The following IMMP2L variants were observed in gnomAD, a reference collection of about 807,000 sequenced individuals.
IMMP2L encodes the protein inner mitochondrial membrane peptidase subunit 2, also known as mitochondrial inner membrane protease subunit 2.
A neutral mutation model predicts 19.3 loss-of-function variants in IMMP2L; 18 were observed. The ratio of observed to expected loss-of-function variants is 0.93; its 90% confidence interval spans 0.64 to 1.38. IMMP2L has a LOEUF of 1.38. Among genes scored for constraint, IMMP2L ranks in the 40% most tolerant of loss-of-function variants. The pLI is 0.00. For synonymous variants in IMMP2L, 76 were observed against 73.0 expected, an observed-to-expected ratio of 1.04 and a Z score of -0.21; for missense variants, 233 against 218.2, an observed-to-expected ratio of 1.07 and a Z score of -0.43.
At chr7:111,496,002 A>C (rs577524733) in intron 2 of IMMP2L, among the ~76,000 whole-genome samples, 1 of 152,208 alleles carries the variant, frequency 6.6e-6, no homozygotes, top group Non-Finnish European at 1.5e-5. Context: ...CTTTGAAGAC[A>C]TATCTGTGGA....
rs921275387 is a variant in IMMP2L at position 110,662,843 on chromosome 7, C to T, written c.*759G>A. ...TTTAAACACATAGTATGACTAAATG[C>T]GGATAAAGGGGTTTACCCATCATTG... On this transcript the variant is annotated 3_prime_UTR_variant, in exon 6 of 6. Coordinates refer to ENST00000405709, the MANE Select transcript of IMMP2L (RefSeq NM_032549.4). 2.0e-5 allele frequency among the ~76,000 whole-genome samples: 3 copies of T among 152,090 alleles called. No homozygotes were observed. The highest frequency in any genetic ancestry group is 4.4e-5 in the Non-Finnish European group (3 of 68,012).
intron 5 of IMMP2L, among the ~76,000 whole-genome samples, chr7:110,852,362 T>C (rs1188407073): frequency 6.6e-6 from 1 of 151,928 alleles, no homozygotes; most frequent in Admixed American, 6.6e-5. Flanking sequence ...ACAAATACAG[T>C]TCATTACTCA....
At chr7:111,210,273 G>T (rs189636016) in intron 3 of IMMP2L, among the ~76,000 whole-genome samples, 2 of 152,250 alleles carry the variant, frequency 1.3e-5, no homozygotes, top group African/African-American at 2.4e-5. Context: ...TTAATAATTA[G>T]AAAGTTCATC....
At chr7:111,556,995 T>C (rs747074336) in intron 1 of IMMP2L, among the ~76,000 whole-genome samples, 1 of 152,086 alleles carries the variant, frequency 6.6e-6, no homozygotes, top group East Asian at 1.9e-4. Flanking sequence ...TCTTCTCTTT[T>C]CCCACTCACA....
chr7:110,693,132 C>T (rs551634354), intron 5 of IMMP2L, among the ~76,000 whole-genome samples: 3 of 152,206 alleles, frequency 2.0e-5, no homozygotes, highest in South Asian at 4.2e-4. Flanking sequence ...ACTGAAGTTC[C>T]GTTTGAGACA....
intron 5 of IMMP2L, among the ~76,000 whole-genome samples, chr7:110,705,228 C>G (rs1794569757): frequency 6.6e-6 from 1 of 152,048 alleles, no homozygotes; most frequent in African/African-American, 2.4e-5. Flanking sequence ...GCTAAAATAC[C>G]TCCAAAACCT....
chr7:111,510,341 T>C (rs368474236), intron 2 of IMMP2L, among the ~76,000 whole-genome samples: 1 of 152,114 alleles, frequency 6.6e-6, no homozygotes, highest in African/African-American at 2.4e-5. Flanking sequence ...CGGCATCGTG[T>C]CCTCAACTGG....
intron 3 of IMMP2L, among the ~76,000 whole-genome samples, chr7:111,297,141 G>C (rs1445786625): frequency 6.6e-6 from 1 of 152,032 alleles, no homozygotes; most frequent in Non-Finnish European, 1.5e-5. Context: ...CTTGATTATG[G>C]TGGTGTTTGC....
chr7:110,993,747 C>A (rs1822732020), intron 3 of IMMP2L, among the ~76,000 whole-genome samples: 1 of 152,076 alleles, frequency 6.6e-6, no homozygotes, highest in Non-Finnish European at 1.5e-5. Flanking sequence ...ATTCACCTCT[C>A]TCCCTGCTCC....
chr7:110,815,780 G>A (rs528352488), intron 5 of IMMP2L, among the ~76,000 whole-genome samples: 2 of 152,174 alleles, frequency 1.3e-5, no homozygotes, highest in Non-Finnish European at 2.9e-5. Flanking sequence ...TTCTCTGATG[G>A]TAGTTCGTAT....
At position 110,882,287 on chromosome 7, in the gene IMMP2L, G is replaced by GCCTTCCTTCCTTCCTTCCTT. The variant is rs111710073; in HGVS notation, c.408+4286_408+4305dup. ...GTCCCAATTCCTCTCTTTGTCAAGTGCCTTCCTTCCTTCCTTCCTTCCTTC... is the reference window on the plus strand; with the variant it reads ...GTCCCAATTCCTCTCTTTGTCAAGTGCCTTCCTTCCTTCCTTCCTTCCTTCCTTCCTTCCTTCCTTCCTTC... On this transcript the variant is annotated intron_variant, in intron 5 of 5. Coordinates refer to ENST00000405709, the MANE Select transcript of IMMP2L (RefSeq NM_032549.4). 1.7e-4 allele frequency among the ~76,000 whole-genome samples: 21 copies of GCCTTCCTTCCTTCCTTCCTT among 122,182 alleles called. 1 individual carries two copies. The highest frequency in any genetic ancestry group is 5.6e-4 in the African/African-American group (17 of 30,182). The allele number at this position is 122,182 out of a possible 152,430, so 80.2% of individuals were successfully genotyped here. A position where few individuals can be genotyped will look rare whatever the true frequency, so the allele number is the denominator to read the frequency against.
intron 3 of IMMP2L, among the ~76,000 whole-genome samples, chr7:111,384,576 G>T (rs1831551188): frequency 6.6e-6 from 1 of 152,006 alleles, no homozygotes; most frequent in African/African-American, 2.4e-5. Context: ...AAGACAGAAA[G>T]AAGGAGATCC....
chr7:111,481,600 T>G (rs1198333190), intron 3 of IMMP2L, among the ~76,000 whole-genome samples: 4 of 139,508 alleles, frequency 2.9e-5, no homozygotes, highest in African/African-American at 1.3e-4. Context: ...AATATTATGT[T>G]TTTTTTTTTT....
chr7:111,173,982 A>G (rs1204812689), intron 3 of IMMP2L, among the ~76,000 whole-genome samples: 3 of 151,754 alleles, frequency 2.0e-5, no homozygotes, highest in African/African-American at 7.2e-5. Flanking sequence ...AGGATTGTCA[A>G]CATCAACCCT....
At chr7:111,317,350 A>C (rs191205226) in intron 3 of IMMP2L, among the ~76,000 whole-genome samples, 88 of 152,292 alleles carry the variant, frequency 5.8e-4, no homozygotes, top group African/African-American at 1.9e-3. Flanking sequence ...ATCATTATTC[A>C]GACATAATGT....
intron 5 of IMMP2L, among the ~76,000 whole-genome samples, chr7:110,778,519 G>C (rs767727971): frequency 1.7e-4 from 26 of 151,820 alleles, no homozygotes; most frequent in Non-Finnish European, 3.4e-4. Flanking sequence ...CCAGAATTTA[G>C]CTTCTTTTTC....
At chr7:111,157,131 T>C (rs1166339108) in intron 3 of IMMP2L, among the ~76,000 whole-genome samples, 1 of 152,074 alleles carries the variant, frequency 6.6e-6, no homozygotes, top group Admixed American at 6.6e-5. Context: ...TTGGTGGGAA[T>C]GTAAATTAGT....
intron 2 of IMMP2L, among the ~76,000 whole-genome samples, chr7:111,489,573 G>A (rs894961825): frequency 1.7e-4 from 26 of 152,162 alleles, no homozygotes; most frequent in African/African-American, 6.0e-4. Flanking sequence ...GAGCAGTAAT[G>A]ACGTGCCTTT....
intron 4 of IMMP2L, among the ~76,000 whole-genome samples, chr7:110,942,650 C>T (rs1265945995): frequency 6.6e-6 from 1 of 151,666 alleles, no homozygotes; most frequent in Non-Finnish European, 1.5e-5. Flanking sequence ...TATGGGTAGA[C>T]TGAAAATTGT....
Sources: allele counts gnomAD v4.1 joint callset (sites outside exome capture counted in the v4.1 genomes callset), GRCh38; gene constraint gnomAD v4.1.1; transcripts MANE v1.5; gene names NCBI Gene and HGNC (gene_info 2026-07-23, HGNC 2026-07-21).